Variants in GPM6B observed in about 807,000 individuals in gnomAD.
GPM6B encodes glycoprotein M6B.
In GPM6B, 4 loss-of-function variants were observed where a neutral mutation model predicts 27.2. That is an observed-to-expected ratio of 0.15 (90% confidence interval 0.07 to 0.34). The LOEUF is 0.34. GPM6B is among the 10% of genes least tolerant of loss of function. The probability of loss-of-function intolerance (pLI) is 1.00; values close to 1 mark genes in which losing one functional copy is unlikely to be tolerated. For missense variants in GPM6B, 183 were observed against 261.9 expected, an observed-to-expected ratio of 0.70 and a Z score of 2.08; for synonymous variants, 124 against 103.1, an observed-to-expected ratio of 1.20 and a Z score of -1.23.
chrX:13,866,958 G>C (rs2049926914), intron 1 of GPM6B, among the ~76,000 whole-genome samples: 3 of 111,840 alleles, frequency 2.7e-5, no homozygotes, highest in Non-Finnish European at 5.6e-5. Context: ...CTAGTCAAGA[G>C]TCTAGAAGAG....
chrX:13,786,930 T>C lies in GPM6B; in HGVS notation c.182-1122A>G, dbSNP rs1349706932. Among the ~76,000 whole-genome samples the C allele has an allele frequency of 2.8e-5, 3 of 106,538 alleles. No homozygotes were observed. In the East Asian group the frequency reaches 8.8e-4, roughly 31 times the overall value. The allele number at this position is 106,538 out of a possible 115,157, so 92.5% of individuals were successfully genotyped here. ...TAACCTCCTGTCTCTGTTTATATTA[T>C]CCAGACCCTTAAGTAAATGGCTTGT... On this transcript the variant is annotated intron_variant, in intron 2 of 7. Transcript: ENST00000316715.
chrX:13,801,992 A>C (rs1392349701), intron 2 of GPM6B, among the ~76,000 whole-genome samples: 1 of 111,153 alleles, frequency 9.0e-6, no homozygotes, highest in East Asian at 2.8e-4. Context: ...TATGTGGCTT[A>C]TTTGGGAGTG....
intron 1 of GPM6B, among the ~76,000 whole-genome samples, chrX:13,830,623 T>C (rs781412588): frequency 1.2e-4 from 13 of 112,282 alleles, no homozygotes; most frequent in African/African-American, 1.9e-4. Context: ...AAAATACAAA[T>C]TGTGTGTCAG....
chrX:13,872,911 C>T (rs956307581), intron 1 of GPM6B, among the ~76,000 whole-genome samples: 2 of 110,904 alleles, frequency 1.8e-5, no homozygotes, highest in African/African-American at 3.3e-5. Context: ...AGAGGGAGTG[C>T]CCCCTTCCAT....
intron 1 of GPM6B, among the ~76,000 whole-genome samples, chrX:13,924,208 G>A (rs140815833): frequency 0.012 from 1,320 of 112,664 alleles, 21 homozygotes; most frequent in African/African-American, 0.04. Context: ...CTTACCGGGT[G>A]TGAAAATCAT....
intron 2 of GPM6B, among the ~76,000 whole-genome samples, chrX:13,788,998 T>C (rs2048663008): frequency 8.9e-6 from 1 of 111,757 alleles, no homozygotes; most frequent in African/African-American, 3.3e-5. Flanking sequence ...TTTGTGGCTG[T>C]AGGAACCCTG....
intron 1 of GPM6B, among the ~76,000 whole-genome samples, chrX:13,930,895 A>G (rs1192380929): frequency 9.0e-6 from 1 of 111,576 alleles, no homozygotes; most frequent in African/African-American, 3.3e-5. Context: ...TTTAAGGAAA[A>G]AAAAATGGCT....
At chrX:13,776,411 G>C in intron 6 of GPM6B, 108 bp from the exon 7 acceptor site, 1 of 598,515 alleles carries the variant, frequency 1.7e-6, no homozygotes, top group South Asian at 3.5e-5. Context: ...TTCTCTGCAA[G>C]ACTGGGCACA....
intron 2 of GPM6B, among the ~76,000 whole-genome samples, chrX:13,797,473 C>G (rs1027318242): frequency 9.0e-6 from 1 of 110,637 alleles, no homozygotes; most frequent in Non-Finnish European, 1.9e-5. Context: ...ATGTGGGAGA[C>G]GTGGGGAGCG....
intron 1 of GPM6B, among the ~76,000 whole-genome samples, chrX:13,846,483 T>C: frequency 9.0e-6 from 1 of 111,067 alleles, no homozygotes; most frequent in Non-Finnish European, 1.9e-5. Flanking sequence ...GACCATCTTT[T>C]TTTTTATTTT....
intron 7 of GPM6B, chrX:13,773,859 A>T: frequency 2.7e-6 from 1 of 374,520 alleles, no homozygotes; most frequent in Non-Finnish European, 3.4e-6. Flanking sequence ...GTTAGTTATT[A>T]CTTACCAAAA....
At chrX:13,917,216 A>G (rs1244217579) in intron 1 of GPM6B, among the ~76,000 whole-genome samples, 1 of 112,307 alleles carries the variant, frequency 8.9e-6, no homozygotes, top group Non-Finnish European at 1.9e-5. Context: ...CTGTCTCAAA[A>G]AGAAAAGAAA....
intron 1 of GPM6B, among the ~76,000 whole-genome samples, chrX:13,920,087 A>C (rs1332131501): frequency 9.2e-6 from 1 of 109,229 alleles, no homozygotes; most frequent in Non-Finnish European, 1.9e-5. Flanking sequence ...AACATGGTGA[A>C]ACCCCATCTC....
At chrX:13,837,326 A>G (rs955982956) in intron 1 of GPM6B, among the ~76,000 whole-genome samples, 2 of 111,704 alleles carry the variant, frequency 1.8e-5, no homozygotes, top group African/African-American at 3.3e-5. Context: ...AGTCCCCTGT[A>G]GAAGTTCCCC....
At chrX:13,917,949 C>G (rs1475614824) in intron 1 of GPM6B, among the ~76,000 whole-genome samples, 1 of 112,244 alleles carries the variant, frequency 8.9e-6, no homozygotes, top group Non-Finnish European at 1.9e-5. Context: ...GCAAAAGTAG[C>G]GACATTTAGA....
chrX:13,877,703 G>A (rs2050049377), intron 1 of GPM6B, among the ~76,000 whole-genome samples: 1 of 105,885 alleles, frequency 9.4e-6, no homozygotes, highest in Non-Finnish European at 1.9e-5. Context: ...GTACATTTCT[G>A]TAGTCAAAGC....
intron 1 of GPM6B, among the ~76,000 whole-genome samples, chrX:13,932,750 T>A (rs994195098): frequency 8.9e-6 from 1 of 112,082 alleles, no homozygotes; most frequent in African/African-American, 3.2e-5. Context: ...AGGGCAATAA[T>A]GAGTTTCAGG....
chrX:13,826,218 G>T (rs1238942946), intron 1 of GPM6B, among the ~76,000 whole-genome samples: 1 of 110,303 alleles, frequency 9.1e-6, no homozygotes, highest in African/African-American at 3.3e-5. Flanking sequence ...TAGACTGCCC[G>T]GGGACCTGAG....
intron 1 of GPM6B, among the ~76,000 whole-genome samples, chrX:13,867,454 G>C: frequency 8.9e-6 from 1 of 112,091 alleles, no homozygotes; most frequent in East Asian, 2.8e-4. Context: ...TGTTCACAAG[G>C]GAATGTAGAG....
Sources: gnomAD v4.1 joint callset for allele counts (sites outside exome capture counted in the v4.1 genomes callset) on GRCh38, gnomAD v4.1.1 for gene constraint, MANE v1.5 for transcripts, NCBI Gene and HGNC (gene_info 2026-07-23, HGNC 2026-07-21) for gene names.